Variants in CLNK observed in about 807,000 individuals in gnomAD.
CLNK encodes cytokine-dependent hematopoietic cell linker.
Under a neutral mutation model 68.6 loss-of-function variants are expected in CLNK, and 74 were observed. The observed-to-expected ratio is 1.08, with a 90% CI of 0.89 to 1.31. The LOEUF is 1.31. CLNK is among the 50% of genes most tolerant of loss of function. The probability of loss-of-function intolerance (pLI) is 0.00; values close to 1 mark genes in which losing one functional copy is unlikely to be tolerated. For synonymous variants in CLNK, 198 were observed against 172.2 expected, an observed-to-expected ratio of 1.15 and a Z score of -1.17; for missense variants, 553 against 515.3, an observed-to-expected ratio of 1.07 and a Z score of -0.71.
At chr4:10,679,316 T>G (rs902942181) in intron 1 of CLNK, among the ~76,000 whole-genome samples, 6 of 152,160 alleles carry the variant, frequency 3.9e-5, no homozygotes, top group East Asian at 1.9e-4. Flanking sequence ...TAGCCATATG[T>G]AGAAAGCTGA....
chr4:10,720,446 C>T, the CLNK span, among the ~76,000 whole-genome samples: 13 of 151,890 alleles, frequency 8.6e-5, no homozygotes, highest in African/African-American at 2.2e-4. Context: ...ACAGATATTT[C>T]GGAAGAGGAT....
At position 10,519,161 on chromosome 4, in the gene CLNK, C is replaced by CT. The variant is rs1717959270; in HGVS notation, c.772+1629_772+1630insA. Reference sequence around the variant, plus strand: ...CAGGCTTCTTTCAGCAACCTTGTTTCCTCTGAGATGAAGTGAGATGAGCTG... The same window carrying CT: ...CAGGCTTCTTTCAGCAACCTTGTTTCTCTCTGAGATGAAGTGAGATGAGCTG... On this transcript the variant is annotated intron_variant, in intron 15 of 18. Transcript: ENST00000226951. Among the ~76,000 whole-genome samples, 4 of 152,266 alleles carry CT rather than the reference C, an allele frequency of 2.6e-5. No individual in the cohort carries two copies. The South Asian group carries it at 8.3e-4, about 32-fold the overall frequency.
chr4:10,671,949 G>T (rs1264166939), intron 1 of CLNK, among the ~76,000 whole-genome samples: 1 of 152,148 alleles, frequency 6.6e-6, no homozygotes, highest in African/African-American at 2.4e-5. Flanking sequence ...TTGCTAGTAC[G>T]CAAAATAGCT....
chr4:10,566,143 T>C lies in CLNK; in HGVS notation c.158A>G (p.Asn53Ser). 6.2e-7 allele frequency: 1 copy of C among 1,613,630 alleles called. No individual in the cohort carries two copies. The highest frequency in any genetic ancestry group is 8.5e-7 in the Non-Finnish European group (1 of 1,179,660). Reference protein sequence around the residue: ...MNKPLLDWERNFAAVLDGAKG... With the variant: ...MNKPLLDWERSFAAVLDGAKG... ...TGCTCCATCCAGGACTGCAGCAAAGTTTCTTTCCTAAGCAGGTGGTAACAT... is the reference window on the plus strand; with the variant it reads ...TGCTCCATCCAGGACTGCAGCAAAGCTTCTTTCCTAAGCAGGTGGTAACAT... Residue 53 changes from asparagine to serine, a missense_variant, in exon 6 of 19, where the codon AAC becomes AGC. By Grantham distance (46) the Asn-to-Ser change is conservative. Coordinates refer to ENST00000226951, the MANE Select transcript of CLNK (RefSeq NM_052964.4).
At chr4:10,574,776 G>A (rs190809082) in intron 4 of CLNK, among the ~76,000 whole-genome samples, 5 of 152,268 alleles carry the variant, frequency 3.3e-5, no homozygotes, top group East Asian at 1.9e-4. Context: ...TGACCTAACC[G>A]CTTATGTTAT....
At chr4:10,643,194 T>C (rs1024626869) in intron 2 of CLNK, among the ~76,000 whole-genome samples, 4 of 152,246 alleles carry the variant, frequency 2.6e-5, no homozygotes, top group Non-Finnish European at 5.9e-5. Context: ...AATAGTTCTT[T>C]ATATTTACTC....
intron 4 of CLNK, among the ~76,000 whole-genome samples, chr4:10,578,660 C>T (rs1423496296): frequency 2.3e-5 from 3 of 132,470 alleles, no homozygotes; most frequent in Non-Finnish European, 4.6e-5. Flanking sequence ...AATCTTGGTT[C>T]ACTGCAACCT....
At chr4:10,645,072 G>T (rs757083652) in intron 2 of CLNK, among the ~76,000 whole-genome samples, 5 of 152,146 alleles carry the variant, frequency 3.3e-5, no homozygotes, top group South Asian at 4.1e-4. Flanking sequence ...GGTTGACCTG[G>T]AGTCATTAAA....
the CLNK span, among the ~76,000 whole-genome samples, chr4:10,699,512 A>ATATATATATATATATTTTTT: frequency 3.1e-5 from 1 of 32,762 alleles, no homozygotes; most frequent in Non-Finnish European, 5.6e-5. Flanking sequence ...ATATATATAT[A>ATATATATATATATATTTTTT]TTTTTTTTTT....
chr4:10,698,667 A>G, the CLNK span, among the ~76,000 whole-genome samples: 6 of 152,214 alleles, frequency 3.9e-5, no homozygotes, highest in Admixed American at 2.6e-4. Flanking sequence ...GTCAGGGAAC[A>G]TCTTTCAACT....
intron 6 of CLNK, 133 bp from the exon 7 acceptor site, chr4:10,564,910 T>C: frequency 1.5e-6 from 1 of 659,020 alleles, no homozygotes; most frequent in East Asian, 2.7e-5. Context: ...CTGCTTTCAT[T>C]TAACAGAGTA....
chr4:10,519,943 T>C (rs1002240352), intron 15 of CLNK, among the ~76,000 whole-genome samples: 3 of 152,130 alleles, frequency 2.0e-5, no homozygotes, highest in African/African-American at 7.2e-5. Flanking sequence ...CAAGTGATCT[T>C]ACTATAAAGA....
intron 2 of CLNK, among the ~76,000 whole-genome samples, chr4:10,622,342 C>G (rs550043953): frequency 1.8e-4 from 28 of 152,322 alleles, no homozygotes; most frequent in African/African-American, 6.7e-4. Context: ...CTTATGTTTT[C>G]TCCAGACAAG....
chr4:10,529,240 G>A (rs1408216911), intron 12 of CLNK, among the ~76,000 whole-genome samples: 1 of 152,164 alleles, frequency 6.6e-6, no homozygotes, highest in African/African-American at 2.4e-5. Context: ...ATAAGTATGT[G>A]CATATATTTT....
intron 2 of CLNK, among the ~76,000 whole-genome samples, chr4:10,660,831 C>A (rs935173653): frequency 6.6e-6 from 1 of 152,248 alleles, no homozygotes; most frequent in Non-Finnish European, 1.5e-5. Context: ...CTGGCCATGT[C>A]TGCAACCTCT....
intron 18 of CLNK, among the ~76,000 whole-genome samples, chr4:10,498,963 T>C (rs992577399): frequency 7.9e-5 from 12 of 152,148 alleles, no homozygotes; most frequent in African/African-American, 2.7e-4. Flanking sequence ...CTTTAATTCA[T>C]TGTACCCCCC....
At chr4:10,711,763 G>T in the CLNK span, among the ~76,000 whole-genome samples, 1 of 152,160 alleles carries the variant, frequency 6.6e-6, no homozygotes, top group East Asian at 1.9e-4. Context: ...CTTTACTAAA[G>T]AATGGAATTG....
chr4:10,721,188 T>G, the CLNK span, among the ~76,000 whole-genome samples: 63,719 of 108,868 alleles, frequency 0.59, 14,720 homozygotes, highest in Middle Eastern at 0.68. Flanking sequence ...GAGGAGGGAG[T>G]TGGGGGCTGG....
chr4:10,527,650 C>T (rs1718372370), intron 13 of CLNK, among the ~76,000 whole-genome samples: 1 of 152,186 alleles, frequency 6.6e-6, no homozygotes, highest in Non-Finnish European at 1.5e-5. Flanking sequence ...TGCATAATGA[C>T]ACCAACACTT....
Sources: allele counts gnomAD v4.1 joint callset (sites outside exome capture counted in the v4.1 genomes callset), GRCh38; gene constraint gnomAD v4.1.1; transcripts MANE v1.5; gene names NCBI Gene and HGNC (gene_info 2026-07-23, HGNC 2026-07-21).